FAM153A: variants seen among roughly 807,000 people sequenced by gnomAD.
FAM153A encodes the protein protein FAM153A.
Under a neutral mutation model 48.1 loss-of-function variants are expected in FAM153A, and 12 were observed. The ratio of observed to expected loss-of-function variants is 0.25; its 90% CI spans 0.16 to 0.40. The LOEUF (loss-of-function observed/expected upper bound fraction) is 0.40. FAM153A is among the 10% of genes least tolerant of loss of function. The pLI is 1.00. For missense variants in FAM153A, 111 were observed against 345.8 expected (o/e 0.32, Z 5.38); for synonymous variants, 36 against 118.2 (o/e 0.30, Z 4.51).
At chr5:177,781,158 T>A (rs1230165158), upstream of FAM153A, among the ~76,000 whole-genome samples, 2 of 109,028 alleles carry the variant, frequency 1.8e-5, no homozygotes, top group African/African-American at 7.1e-5. Flanking sequence ...TCCCAGCACT[T>A]CTGGATGGCG....
chr5:177,729,680 G>A (rs1049197955), intron 16 of FAM153A, 125 bp from the exon 19 acceptor site: 11 of 1,555,606 alleles, frequency 7.1e-6, no homozygotes, highest in Non-Finnish European at 8.7e-6. Flanking sequence ...CTCAGCTGCT[G>A]CCGGTCCATC....
intron 25 of FAM153A, among the ~76,000 whole-genome samples, chr5:177,715,916 C>T (rs1759662165): frequency 6.6e-6 from 1 of 150,916 alleles, no homozygotes; most frequent in Admixed American, 6.6e-5. Flanking sequence ...TTTATAGTAA[C>T]CCTCATACCT....
chr5:177,768,624 C>T (rs1286684888), intron 1 of FAM153A, among the ~76,000 whole-genome samples: 17 of 130,330 alleles, frequency 1.3e-4, no homozygotes, highest in Non-Finnish European at 2.3e-4. Context: ...TCTGTGGTTA[C>T]AGTTACTAAT....
chr5:177,709,129 A>AAAAG (rs1430497858), downstream of FAM153A, among the ~76,000 whole-genome samples: 641 of 133,414 alleles, frequency 4.8e-3, 17 homozygotes, highest in East Asian at 0.057. Context: ...AAAAAAAAAA[A>AAAAG]AAAGAAAGAA....
chr5:177,709,313 A>G (rs58370492), downstream of FAM153A, among the ~76,000 whole-genome samples: 14,926 of 123,112 alleles, frequency 0.12, 1,096 homozygotes, highest in East Asian at 0.33. Flanking sequence ...ACTATTAACT[A>G]TTTATTGACA....
chr5:177,711,151 A>G (rs1164578258), exon 27 of FAM153A: 1 of 151,956 alleles, frequency 6.6e-6, no homozygotes, highest in African/African-American at 2.4e-5. Context: ...GACATATACA[A>G]TGGTCTGAAA....
intron 6 of FAM153A, among the ~76,000 whole-genome samples, chr5:177,743,190 G>GTTTTTT (rs757108757): frequency 1.1e-4 from 8 of 75,742 alleles, no homozygotes; most frequent in African/African-American, 3.4e-4. Flanking sequence ...GCATTCACTT[G>GTTTTTT]TTTTTTTTTT....
At chr5:177,696,630 G>C in the FAM153A span, among the ~76,000 whole-genome samples, 1 of 149,874 alleles carries the variant, frequency 6.7e-6, no homozygotes, top group African/African-American at 2.5e-5. Context: ...CTGTTTAATT[G>C]ATCTATATGT....
At chr5:177,705,938 G>A (rs1247086028), downstream of FAM153A, among the ~76,000 whole-genome samples, 5 of 151,554 alleles carry the variant, frequency 3.3e-5, no homozygotes, top group African/African-American at 4.9e-5. Context: ...GATTATAGGC[G>A]TGAGCCACCG....
At chr5:177,701,434 G>A in the FAM153A span, among the ~76,000 whole-genome samples, 2 of 151,656 alleles carry the variant, frequency 1.3e-5, no homozygotes, top group Non-Finnish European at 2.9e-5. Flanking sequence ...CTGTGGTGGT[G>A]CACACCTATA....
chr5:177,758,852 A>G (rs1353430217), intron 1 of FAM153A, among the ~76,000 whole-genome samples: 1 of 134,362 alleles, frequency 7.4e-6, no homozygotes, highest in Admixed American at 7.3e-5. Flanking sequence ...CTTAAATGTT[A>G]GACTTAAACC....
chr5:177,755,464 A>G (rs1767631646), upstream of FAM153A, among the ~76,000 whole-genome samples: 1 of 151,798 alleles, frequency 6.6e-6, no homozygotes, highest in African/African-American at 2.4e-5. Flanking sequence ...GCCAACATTC[A>G]AATTCAGGAA....
intron 1 of FAM153A, among the ~76,000 whole-genome samples, chr5:177,760,156 T>C (rs1274691148): frequency 5.3e-5 from 8 of 149,666 alleles, no homozygotes; most frequent in Non-Finnish European, 1.2e-4. Context: ...TATACACATA[T>C]ATGAGAGAGA....
chr5:177,736,980 A>G lies in FAM153A; in HGVS notation c.633+62T>C, dbSNP rs996754766. 2.9e-5 allele frequency: 38 copies of G among 1,314,918 alleles called. 2 individuals are homozygous for G. Among genetic ancestry groups the G allele is most frequent in the Non-Finnish European group, 7.2e-6 (7 of 973,258 alleles). 81.5% of individuals were successfully genotyped at this position (1,314,918 alleles called of 1,614,324 possible). On this transcript the variant is annotated intron_variant, in intron 11 of 20. Transcript: ENST00000614127. ...GGTGAGATGTATACATCTTAATTCA[A>G]TTGAAACAGAGAAACCGAGAGAAAT...
downstream of FAM153A, among the ~76,000 whole-genome samples, chr5:177,709,093 C>CAAAAAAAAAAAAAA (rs56257501): frequency 2.9e-5 from 1 of 34,104 alleles, no homozygotes; most frequent in Non-Finnish European, 5.7e-5. Context: ...GACTCCGTCT[C>CAAAAAAAAAAAAAA]AAAAAAAAAA....
the FAM153A span, among the ~76,000 whole-genome samples, chr5:177,695,955 GCGGC>G: frequency 1.1e-5 from 1 of 88,902 alleles, no homozygotes; most frequent in Non-Finnish European, 2.9e-5. Flanking sequence ...AGACGGGGTG[GCGGC>G]TGGGCAGAGG....
chr5:177,739,025 G>C lies in FAM153A; in HGVS notation c.562+88C>G, dbSNP rs1316290337. 3.4e-5 allele frequency: 37 copies of C among 1,089,940 alleles called. No individual in the cohort carries two copies. In the East Asian group the frequency reaches 8.4e-4, roughly 25 times the overall value. The allele number at this position is 1,089,940 out of a possible 1,614,324, so 67.5% of individuals were successfully genotyped here. On this transcript the variant is annotated intron_variant, in intron 10 of 20. Transcript: ENST00000614127. ...TCCAATAGGAAGCTCCAATGAGAGT[G>C]GTTCTCCAGAAAACGCAGGCAAGAA...
chr5:177,738,731 C>T (rs995790890), intron 10 of FAM153A, among the ~76,000 whole-genome samples: 6 of 151,252 alleles, frequency 4.0e-5, no homozygotes, highest in Admixed American at 6.6e-5. Flanking sequence ...GGCAGAGTGA[C>T]GTTAAGGTGT....
chr5:177,782,929 G>T (rs1489171947), upstream of FAM153A: 24 of 93,638 alleles, frequency 2.6e-4, 8 homozygotes, highest in Admixed American at 2.0e-3. Flanking sequence ...CCAGGACCAC[G>T]GACGGAAAAT....
Sources: allele counts gnomAD v4.1 joint callset (sites outside exome capture counted in the v4.1 genomes callset), GRCh38; gene constraint gnomAD v4.1.1; transcripts MANE v1.5; gene names NCBI Gene and HGNC (gene_info 2026-07-23, HGNC 2026-07-21).